Variants in STAB1 observed in about 807,000 individuals in gnomAD.
The protein encoded by STAB1 is stabilin 1, also known as stabilin-1.
STAB1 carries 250 observed loss-of-function variants against 332.4 expected under a neutral mutation model. That is an observed-to-expected ratio of 0.75 (90% CI 0.68 to 0.84). The LOEUF (loss-of-function observed/expected upper bound fraction) is 0.84. STAB1 is among the 40% of genes least tolerant of loss of function. The pLI is 0.00. For synonymous variants in STAB1, 1,475 were observed against 1,390.4 expected (o/e 1.06, Z -1.35); for missense variants, 3,249 against 3,489.7 (o/e 0.93, Z 1.74).
intron 57 of STAB1, 24 bp from the exon 58 acceptor site, chr3:52,521,820 T>C: frequency 6.3e-7 from 1 of 1,593,336 alleles, no homozygotes; most frequent in Non-Finnish European, 8.6e-7. Flanking sequence ...AACCTGGTTC[T>C]GGGGGCTGGG....
chr3:52,515,019 C>T lies in STAB1; in HGVS notation c.3838C>T (p.Arg1280Cys), dbSNP rs533829799. The T allele has an allele frequency of 2.5e-6, 4 of 1,613,518 alleles. No homozygotes were observed. Among genetic ancestry groups the T allele is most frequent in the Admixed American group, 1.7e-5 (1 of 60,020 alleles). The change falls in exon 36 of 69, where the codon CGC becomes TGC. Residue 1280 changes from arginine to cysteine, a missense_variant. Coordinates refer to ENST00000321725, the MANE Select transcript of STAB1 (RefSeq NM_015136.3). Reference sequence around the variant, plus strand: ...ATGTGTAAACTGCACCAGGAGATTCCGCTGCACTCAGGGCTTCCAGCTGCA... The same window carrying T: ...ATGTGTAAACTGCACCAGGAGATTCTGCTGCACTCAGGGCTTCCAGCTGCA... Reference protein sequence around the residue: ...EKCVNCTRRFRCTQGFQLQDT... With the variant: ...EKCVNCTRRFCCTQGFQLQDT...
chr3:52,523,350 C>T lies in STAB1; in HGVS notation c.7140+9C>T, dbSNP rs777787896. On this transcript the variant is annotated intron_variant, in intron 64 of 68. Transcript: ENST00000321725. ...GCTTTGTGGACAACATGGTAACCCC[C>T]AAGGGTGTGGGCAGAGCAGAGCCTG... 6.8e-6 allele frequency: 11 copies of T among 1,609,400 alleles called. No individual in the cohort carries two copies. The Admixed American group carries it at 1.3e-4, about 20-fold the overall frequency.
At chr3:52,515,953 G>A in intron 37 of STAB1, 90 bp from the exon 38 acceptor site, 2 of 1,412,040 alleles carry the variant, frequency 1.4e-6, no homozygotes, top group Non-Finnish European at 1.9e-6. Flanking sequence ...TTTGCTCCAT[G>A]GCTCTGTGGC....
At chr3:52,501,800 A>G in intron 3 of STAB1, 47 bp downstream of exon 3, 1 of 1,527,450 alleles carries the variant, frequency 6.5e-7, no homozygotes. Flanking sequence ...ACCCAGCCCC[A>G]GCTCTGGGCA....
At chr3:52,504,284 G>C (rs7613444) in intron 10 of STAB1, 129 bp downstream of exon 10, 253,037 of 1,466,628 alleles carry the variant, frequency 0.17, 23,458 homozygotes, top group South Asian at 0.24. Flanking sequence ...GGTGGCTGTG[G>C]GGGGTGCATG....
intron 6 of STAB1, 37 bp downstream of exon 6, chr3:52,502,764 T>C: frequency 6.3e-7 from 1 of 1,594,770 alleles, no homozygotes; most frequent in East Asian, 2.3e-5. Context: ...GGGCAGCAGG[T>C]CCCTGTGGCC....
At chr3:52,509,801 C>T (rs1391849364) in intron 22 of STAB1, 69 bp from the exon 23 acceptor site, 1 of 1,584,168 alleles carries the variant, frequency 6.3e-7, no homozygotes. Context: ...ATCCCCCAAA[C>T]CCATCCTGGC....
rs1192221545 is a variant in STAB1, at chr3:52,521,590, C to T, written c.6059-6C>T. On this transcript the variant is annotated splice_polypyrimidine_tract_variant and splice_region_variant and intron_variant, in intron 56 of 68. Coordinates refer to ENST00000321725, the MANE Select transcript of STAB1 (RefSeq NM_015136.3). ...TCTTTATCTTCCTGCCTGTCCCTCT[C>T]CCCAGCCTGCCGCTGCACTGTGCAT... 1 of 1,612,824 alleles carries T rather than the reference C, an allele frequency of 6.2e-7. No individual in the cohort carries two copies.
At chr3:52,500,449 C>T (rs937127325) in intron 1 of STAB1, among the ~76,000 whole-genome samples, 6 of 152,258 alleles carry the variant, frequency 3.9e-5, no homozygotes, top group Admixed American at 2.0e-4. Context: ...CAGCTGCTCA[C>T]GTGAGCCCAG....
chr3:52,502,143 G>A lies in STAB1; in HGVS notation c.418-16G>A. On this transcript the variant is annotated splice_polypyrimidine_tract_variant and intron_variant, in intron 4 of 68. Transcript: ENST00000321725. ...GGCTCAGAGGGGCCACGCTGACTTG[G>A]TGCATCCACCACCAGGAAAACTTCC... is the stretch of plus-strand genomic sequence containing the variant. The A allele has an allele frequency of 1.2e-6, 2 of 1,613,564 alleles. No individual in the cohort carries two copies. Among genetic ancestry groups the A allele is most frequent in the Non-Finnish European group, 1.7e-6 (2 of 1,180,012 alleles).
intron 20 of STAB1, 65 bp from the exon 21 acceptor site, chr3:52,508,208 G>A: frequency 1.3e-6 from 2 of 1,504,830 alleles, no homozygotes; most frequent in Non-Finnish European, 1.8e-6. Flanking sequence ...CCAGGGAGCA[G>A]AGGCAGCCTG....
In STAB1 at chr3:52,523,483, C is replaced by G; in HGVS notation, c.7197C>G (p.Ala2399=). The change falls in exon 65 of 69, where the codon GCC becomes GCG. Residue 2399 remains alanine (A), a synonymous_variant. Transcript: ENST00000321725. The stretch of plus-strand genomic sequence containing the variant: ...CCTCCAACGCCACCCTCCTAAGTGC[C>G]AACGCCAGCCAGGGGAAGTTGCTTC... ...LHASNATLLS[A]NASQGKLLPA... The G allele has an allele frequency of 6.2e-7, 1 of 1,612,334 alleles. No homozygotes were observed. Among genetic ancestry groups the G allele is most frequent in the Non-Finnish European group, 8.5e-7 (1 of 1,179,550 alleles).
chr3:52,502,870 C>T (rs1212084816), intron 6 of STAB1, 129 bp from the exon 7 acceptor site: 2 of 1,218,240 alleles, frequency 1.6e-6, no homozygotes, highest in African/African-American at 3.0e-5. Context: ...TCTGAGACCT[C>T]CACTGTCCAG....
chr3:52,522,494 C>T lies in STAB1; in HGVS notation c.6610+20C>T. The T allele has an allele frequency of 6.2e-7, 1 of 1,613,112 alleles. No homozygotes were observed. Among genetic ancestry groups the T allele is most frequent in the Non-Finnish European group, 8.5e-7 (1 of 1,179,982 alleles). On this transcript the variant is annotated intron_variant, in intron 60 of 68. Transcript: ENST00000321725. ...TCCAGGGTGTGTCCCCCTGCCCACTCCCAGTACCCATTTCATTCCTCAGAG... is the reference window on the plus strand; with the variant it reads ...TCCAGGGTGTGTCCCCCTGCCCACTTCCAGTACCCATTTCATTCCTCAGAG...
rs763293692 is a variant in STAB1, at chr3:52,512,886, C to A, written c.3086C>A (p.Ala1029Asp). The A allele has an allele frequency of 6.2e-7, 1 of 1,612,016 alleles. No individual in the cohort carries two copies. Among genetic ancestry groups the A allele is most frequent in the South Asian group, 1.1e-5 (1 of 91,056 alleles). The change falls in exon 29 of 69, where the codon GCT (alanine) becomes GAT (aspartate). Residue 1029 changes from alanine (A) to aspartate (D), a missense_variant. Coordinates refer to ENST00000321725, the MANE Select transcript of STAB1 (RefSeq NM_015136.3). ...GTCACAGCCCTGGTGCCCTCCGAGG[C>A]TGCAGTCCGTCAGCTGAGCCCCGAG... ...RRVTALVPSE[A>D]AVRQLSPEDR...
At position 52,514,380 on chromosome 3, in the gene STAB1, C is replaced by A. The variant is rs367750960; in HGVS notation, c.3562C>A (p.Arg1188=). The change falls in exon 34 of 69, where the codon CGG becomes AGG. Residue 1188 remains arginine, a synonymous_variant. Transcript: ENST00000321725. ...TCTCTTCCAGGACGCAGACACAGTGCGGCACCATGTGGTCCTGGGGGAGGC... is the reference window on the plus strand; with the variant it reads ...TCTCTTCCAGGACGCAGACACAGTGAGGCACCATGTGGTCCTGGGGGAGGC... ...NSSHLDADTV[R]HHVVLGEALS... 4 of 1,547,862 alleles carry A rather than the reference C, an allele frequency of 2.6e-6. No homozygotes were observed. Among genetic ancestry groups the A allele is most frequent in the Non-Finnish European group, 1.7e-6 (2 of 1,146,746 alleles).
rs780997612 is a variant in STAB1, at chr3:52,521,555, T to C, written c.6059-41T>C. 7 of 1,613,488 alleles carry C rather than the reference T, an allele frequency of 4.3e-6. No individual in the cohort carries two copies. In the African/African-American group the frequency reaches 6.7e-5, roughly 15 times the overall value. ...CCCACGGCCCGATTCCTTTGGCCCTTGTGGGCCAATCTTTATCTTCCTGCC... is the reference window on the plus strand; with the variant it reads ...CCCACGGCCCGATTCCTTTGGCCCTCGTGGGCCAATCTTTATCTTCCTGCC... On this transcript the variant is annotated intron_variant, in intron 56 of 68. Coordinates refer to ENST00000321725, the MANE Select transcript of STAB1 (RefSeq NM_015136.3).
Position 52,502,032 on chromosome 3 carries a change from T to G in STAB1, c.358T>G (p.Cys120Gly). Residue 120 changes from cysteine (C) to glycine (G), a missense_variant, in exon 4 of 69, where the codon TGC becomes GGC. Physicochemically the swap from Cys to Gly is radical, Grantham distance 159. Coordinates refer to ENST00000321725, the MANE Select transcript of STAB1 (RefSeq NM_015136.3). Reference protein sequence around the residue: ...HECPGGAETPCNGHGTCLDGM... With the variant: ...HECPGGAETPGNGHGTCLDGM... ...ATGCCCTGGGGGCGCTGAGACCCCATGCAATGGCCACGGGACCTGCTTGGA... is the reference window on the plus strand; with the variant it reads ...ATGCCCTGGGGGCGCTGAGACCCCAGGCAATGGCCACGGGACCTGCTTGGA... 1 of 1,613,052 alleles carries G rather than the reference T, an allele frequency of 6.2e-7. No individual in the cohort carries two copies. Among genetic ancestry groups the G allele is most frequent in the Non-Finnish European group, 8.5e-7 (1 of 1,179,990 alleles).
chr3:52,506,096 T>C, intron 16 of STAB1, 74 bp from the exon 17 acceptor site: 1 of 1,536,958 alleles, frequency 6.5e-7, no homozygotes, highest in East Asian at 2.4e-5. Flanking sequence ...GCTGTGAGCC[T>C]CCTGGGCAGG....
Sources: gnomAD v4.1 joint callset for allele counts (sites outside exome capture counted in the v4.1 genomes callset) on GRCh38, gnomAD v4.1.1 for gene constraint, MANE v1.5 for transcripts, NCBI Gene and HGNC (gene_info 2026-07-23, HGNC 2026-07-21) for gene names.